Variants in PTGER4 observed in about 807,000 individuals in gnomAD.
The protein encoded by PTGER4 is prostaglandin E2 receptor EP4 subtype.
PTGER4 carries 11 observed loss-of-function variants against 33.2 expected under a neutral mutation model. That is an observed-to-expected ratio of 0.33 (90% CI 0.21 to 0.55). The LOEUF (loss-of-function observed/expected upper bound fraction) is 0.55. Ranked by LOEUF, PTGER4 falls within the 20% of genes least tolerant of loss-of-function variation. The pLI, the probability that PTGER4 is intolerant of heterozygous loss-of-function variation, is 0.92. For missense variants in PTGER4, 481 were observed against 650.2 expected (o/e 0.74, Z 2.83); for synonymous variants, 275 against 281.5 (o/e 0.98, Z 0.23).
In PTGER4 at chr5:40,692,148, A is replaced by G. The variant is rs758697299; in HGVS notation, c.1237A>G (p.Asn413Asp). 1 of 1,614,208 alleles carries G rather than the reference A, an allele frequency of 6.2e-7. No homozygotes were observed. The highest frequency in any genetic ancestry group is 1.1e-5 in the South Asian group (1 of 91,092). ...CAGTGAAAATGGCCTTGGAGGCAGG[A>G]ATTTGCTTCCAGGTGTGCCTGGCAT... ...DLSENGLGGR[N>D]LLPGVPGMGL... Residue 413 changes from asparagine to aspartate, a missense_variant, in exon 3 of 3, where the codon AAT (asparagine) becomes GAT (aspartate). Transcript: ENST00000302472.
chr5:40,733,136 C>T, the PTGER4 span, among the ~76,000 whole-genome samples: 2 of 151,954 alleles, frequency 1.3e-5, no homozygotes, highest in Admixed American at 6.6e-5. Context: ...TATAAGAAAT[C>T]CCAAGACTAG....
chr5:40,684,339 G>T (rs2111792900), intron 2 of PTGER4, among the ~76,000 whole-genome samples: 1 of 152,206 alleles, frequency 6.6e-6, no homozygotes, highest in Middle Eastern at 3.4e-3. Flanking sequence ...ATCAAATCAA[G>T]TGGTTGCTAA....
the PTGER4 span, among the ~76,000 whole-genome samples, chr5:40,730,889 A>G: frequency 3.0e-4 from 46 of 152,152 alleles, no homozygotes; most frequent in Non-Finnish European, 5.9e-5. Context: ...TTTAACACCC[A>G]TTTCTGATTA....
the PTGER4 span, among the ~76,000 whole-genome samples, chr5:40,721,682 AAAAAC>A: frequency 5.9e-5 from 9 of 151,798 alleles, no homozygotes; most frequent in East Asian, 2.0e-4. Flanking sequence ...CAAAAAAAAC[AAAAAC>A]AAAACAAAAC....
At chr5:40,708,992 C>A in the PTGER4 span, among the ~76,000 whole-genome samples, 1 of 152,138 alleles carries the variant, frequency 6.6e-6, no homozygotes, top group African/African-American at 2.4e-5. Flanking sequence ...GCACTTCATG[C>A]TAAAAACTCT....
At chr5:40,720,809 G>A in the PTGER4 span, among the ~76,000 whole-genome samples, 3 of 152,156 alleles carry the variant, frequency 2.0e-5, no homozygotes, top group Non-Finnish European at 4.4e-5. Flanking sequence ...TCCCAGCACA[G>A]CTCCACAGGA....
At chr5:40,706,340 G>A in the PTGER4 span, among the ~76,000 whole-genome samples, 1 of 152,086 alleles carries the variant, frequency 6.6e-6, no homozygotes, top group East Asian at 1.9e-4. Flanking sequence ...GGGGAGGGTG[G>A]CAGGGGGGAG....
At position 40,691,988 on chromosome 5, in the gene PTGER4, C is replaced by G; in HGVS notation, c.1077C>G (p.Ser359=). The G allele has an allele frequency of 6.2e-7, 1 of 1,614,164 alleles. No individual in the cohort carries two copies. The highest frequency in any genetic ancestry group is 8.5e-7 in the Non-Finnish European group (1 of 1,180,036). ...CRIGGSRRER[S]GQHCSDSQRT... ...TTGGCGGGTCCCGCAGGGAGCGCTC[C>G]GGACAGCACTGCTCAGACAGTCAAA... is the stretch of plus-strand genomic sequence containing the variant. Residue 359 remains serine, a synonymous_variant, in exon 3 of 3, where the codon TCC becomes TCG. Transcript: ENST00000302472. This position sits in a 1 kb window ranked among gnomAD's most constrained non-coding sequence, Gnocchi z 4.2.
At chr5:40,685,926 G>A (rs1741312154) in intron 2 of PTGER4, among the ~76,000 whole-genome samples, 2 of 152,048 alleles carry the variant, frequency 1.3e-5, no homozygotes, top group South Asian at 4.2e-4. Flanking sequence ...TTCAATGTGA[G>A]AGCTTTAAAA....
the PTGER4 span, among the ~76,000 whole-genome samples, chr5:40,732,298 T>A: frequency 1.3e-5 from 2 of 152,038 alleles, no homozygotes; most frequent in Non-Finnish European, 2.9e-5. Flanking sequence ...ATTACAGGGG[T>A]GAGCCACCAT....
At chr5:40,690,700 A>G (rs1741445911) in intron 2 of PTGER4, among the ~76,000 whole-genome samples, 1 of 152,228 alleles carries the variant, frequency 6.6e-6, no homozygotes, top group African/African-American at 2.4e-5. Flanking sequence ...TCTTGGCCTT[A>G]TTCTGGTGAT....
In PTGER4 at chr5:40,681,868, AC is replaced by A. The variant is rs751062432; in HGVS notation, c.867+10del. ...TGCTCCATCCCGCTCGTGGTGAGTG[AC>A]CGGGGCTGGGGCCCTACTCGGCCTT... On this transcript the variant is annotated intron_variant, in intron 2 of 2. Coordinates refer to ENST00000302472, the MANE Select transcript of PTGER4 (RefSeq NM_000958.3). The surrounding 1 kb of genome is among the most constrained non-coding windows in gnomAD (Gnocchi z 9.8). The A allele has an allele frequency of 3.3e-5, 50 of 1,500,770 alleles. 1 individual carries two copies. The highest frequency in any genetic ancestry group is 3.7e-4 in the Middle Eastern group (2 of 5,476). The allele number at this position is 1,500,770 out of a possible 1,614,324, so 93.0% of individuals were successfully genotyped here.
chr5:40,708,882 G>A, the PTGER4 span, among the ~76,000 whole-genome samples: 29 of 152,026 alleles, frequency 1.9e-4, no homozygotes, highest in Admixed American at 1.4e-3. Flanking sequence ...TTCAACATAT[G>A]CAAATCAATA....
At chr5:40,732,789 G>A in the PTGER4 span, among the ~76,000 whole-genome samples, 1 of 151,956 alleles carries the variant, frequency 6.6e-6, no homozygotes, top group Non-Finnish European at 1.5e-5. Context: ...TTGTTTTTTC[G>A]TAGAGATGGG....
At chr5:40,721,612 T>G in the PTGER4 span, among the ~76,000 whole-genome samples, 13 of 151,974 alleles carry the variant, frequency 8.6e-5, no homozygotes, top group Non-Finnish European at 1.9e-4. Flanking sequence ...CAACTCCAAG[T>G]GCATTAAAGA....
chr5:40,694,468 A>AT (rs1741543811), downstream of PTGER4, among the ~76,000 whole-genome samples: 1 of 152,182 alleles, frequency 6.6e-6, no homozygotes, highest in African/African-American at 2.4e-5. Flanking sequence ...ACAGACATTT[A>AT]TTTTCTCACA....
At chr5:40,741,799 G>C in the PTGER4 span, among the ~76,000 whole-genome samples, 4 of 152,078 alleles carry the variant, frequency 2.6e-5, no homozygotes, top group Non-Finnish European at 5.9e-5. Context: ...GACCAGCCTG[G>C]CCAATATGGT....
chr5:40,693,966 A>G (rs1332235297), downstream of PTGER4, among the ~76,000 whole-genome samples: 1 of 152,206 alleles, frequency 6.6e-6, no homozygotes, highest in Non-Finnish European at 1.5e-5. Flanking sequence ...TTAGCTTGTG[A>G]CATATAAAGG....
chr5:40,681,397 T>C lies in PTGER4; in HGVS notation c.404T>C (p.Leu135Ser). 3.1e-6 allele frequency: 5 copies of C among 1,614,118 alleles called. No homozygotes were observed. The highest frequency in any genetic ancestry group is 4.2e-6 in the Non-Finnish European group (5 of 1,180,040). Reference protein sequence around the residue: ...YFYSHYVDKRLAGLTLFAVYA... With the variant: ...YFYSHYVDKRSAGLTLFAVYA... ...TACAGCCACTACGTGGACAAGCGAT[T>C]GGCGGGCCTCACGCTCTTTGCAGTC... Residue 135 changes from leucine (L) to serine (S), a missense_variant, in exon 2 of 3, where the codon TTG becomes TCG. This residue lies in a region of PTGER4 where 43 missense variants were observed against 39.4 expected (regional missense o/e 1.09). Coordinates refer to ENST00000302472, the MANE Select transcript of PTGER4 (RefSeq NM_000958.3). This position sits in a 1 kb window ranked among gnomAD's most constrained non-coding sequence, Gnocchi z 9.8.
Sources: allele counts gnomAD v4.1 joint callset (sites outside exome capture counted in the v4.1 genomes callset), GRCh38; gene constraint gnomAD v4.1.1; regional missense constraint gnomAD v4.1.1; non-coding constraint Gnocchi (gnomAD v3.1); transcripts MANE v1.5; gene names NCBI Gene and HGNC (gene_info 2026-07-23, HGNC 2026-07-21).